The following PDE1C variants were observed in gnomAD, a reference collection of about 807,000 sequenced individuals.
PDE1C encodes the protein phosphodiesterase 1C, also known as dual specificity calcium/calmodulin-dependent 3',5'-cyclic nucleotide phosphodiesterase 1C.
In PDE1C, 62 loss-of-function variants were observed where a neutral mutation model predicts 93.1. The ratio of observed to expected loss-of-function variants is 0.67; its 90% confidence interval spans 0.54 to 0.82. The LOEUF (loss-of-function observed/expected upper bound fraction) is 0.82. Ranked by LOEUF, PDE1C falls within the 40% of genes least tolerant of loss-of-function variation. PDE1C has a pLI of 0.00. For synonymous variants in PDE1C, 325 were observed against 310.1 expected (o/e 1.05, Z -0.50); for missense variants, 742 against 884.6 (o/e 0.84, Z 2.04).
chr7:32,376,113 T>C (rs1784427909), intron 1 of PDE1C, among the ~76,000 whole-genome samples: 1 of 151,828 alleles, frequency 6.6e-6, no homozygotes, highest in African/African-American at 2.4e-5. Context: ...GCCAAGATCA[T>C]GCCACTGCAC....
At chr7:31,963,994 G>A (rs895479018) in intron 2 of PDE1C, among the ~76,000 whole-genome samples, 4 of 152,228 alleles carry the variant, frequency 2.6e-5, no homozygotes, top group African/African-American at 9.6e-5. Flanking sequence ...TGGCCAAATA[G>A]GAACAGCTGG....
chr7:31,786,006 G>T (rs1396946060), intron 16 of PDE1C: 1 of 152,232 alleles, frequency 6.6e-6, no homozygotes, highest in African/African-American at 2.4e-5. Context: ...ATTTGTTCAT[G>T]CATAAGATCC....
At chr7:32,133,546 A>T (rs1454046448) in intron 3 of PDE1C, among the ~76,000 whole-genome samples, 1 of 152,160 alleles carries the variant, frequency 6.6e-6, no homozygotes. Flanking sequence ...CCAGTGTATA[A>T]ATTTAGCCCA....
At chr7:31,625,289 T>G in the PDE1C span, among the ~76,000 whole-genome samples, 1 of 18,328 alleles carries the variant, frequency 5.5e-5, no homozygotes, top group Non-Finnish European at 1.2e-4. Flanking sequence ...ACCCAAAGGA[T>G]ATAAATCATG....
chr7:31,907,126 C>T (rs1448256300), intron 2 of PDE1C, among the ~76,000 whole-genome samples: 1 of 151,106 alleles, frequency 6.6e-6, no homozygotes, highest in Non-Finnish European at 1.5e-5. Flanking sequence ...GAACTAATTT[C>T]AGATGATGGG....
At chr7:32,026,954 C>T (rs1241988421) in intron 2 of PDE1C, among the ~76,000 whole-genome samples, 2 of 152,068 alleles carry the variant, frequency 1.3e-5, no homozygotes, top group African/African-American at 4.8e-5. Context: ...ATATGACATT[C>T]TGGAAAGTAT....
chr7:32,157,015 T>G (rs2128794914), intron 3 of PDE1C, among the ~76,000 whole-genome samples: 1 of 152,302 alleles, frequency 6.6e-6, no homozygotes, highest in South Asian at 2.1e-4. Flanking sequence ...TCAGTGTCAC[T>G]TATGTAGTAT....
chr7:32,011,629 G>A (rs551016761), intron 2 of PDE1C, among the ~76,000 whole-genome samples: 1 of 152,300 alleles, frequency 6.6e-6, no homozygotes, highest in South Asian at 2.1e-4. Context: ...GTCACAATGA[G>A]AAACTTTTCT....
intron 1 of PDE1C, among the ~76,000 whole-genome samples, chr7:32,067,287 A>G (rs144316886): frequency 0.011 from 1,675 of 152,302 alleles, 36 homozygotes; most frequent in African/African-American, 0.038. Flanking sequence ...GTGGAAGCGT[A>G]GGCACTGGGG....
At chr7:32,070,730 C>A, upstream of PDE1C, 1 of 1,125,400 alleles carries the variant, frequency 8.9e-7, no homozygotes, top group Non-Finnish European at 1.1e-6. Flanking sequence ...CGTATTCTCC[C>A]CCTACCCCCA....
At chr7:31,776,062 G>C (rs1211588340) in intron 16 of PDE1C, among the ~76,000 whole-genome samples, 2 of 152,186 alleles carry the variant, frequency 1.3e-5, no homozygotes, top group Non-Finnish European at 2.9e-5. Context: ...CAGTACAGGG[G>C]TGGAGGCCCA....
chr7:32,068,035 TTGA>T (rs1253677928), intron 1 of PDE1C, among the ~76,000 whole-genome samples: 1 of 152,116 alleles, frequency 6.6e-6, no homozygotes, highest in Non-Finnish European at 1.5e-5. Context: ...CAGGCGTGAG[TTGA>T]TGATCACATC....
Position 31,886,532 on chromosome 7 carries a change from T to G in PDE1C, c.129-5672A>C, listed in dbSNP as rs193275732. 2.5e-3 allele frequency among the ~76,000 whole-genome samples: 382 copies of G among 152,230 alleles called. 1 individual carries two copies. Among genetic ancestry groups the G allele is most frequent in the African/African-American group, 8.7e-3 (362 of 41,546 alleles). On this transcript the variant is annotated intron_variant, in intron 2 of 17. Transcript: ENST00000396191. ...GGGAAATGCAGTGCCTTCTCTCAGG[T>G]AGGGAAGACAGAAAGCTAACCAGCA...
chr7:32,013,295 T>C (rs1379965696), intron 2 of PDE1C, among the ~76,000 whole-genome samples: 1 of 152,176 alleles, frequency 6.6e-6, no homozygotes, highest in Non-Finnish European at 1.5e-5. Flanking sequence ...TAACACTCCT[T>C]ATGCACGTGT....
chr7:31,692,206 G>A, the PDE1C span, among the ~76,000 whole-genome samples: 37 of 152,296 alleles, frequency 2.4e-4, no homozygotes, highest in Admixed American at 7.2e-4. Context: ...GTCAGTGTGA[G>A]GGTGGGAGGG....
At chr7:31,800,574 A>T (rs1466863644) in intron 16 of PDE1C, among the ~76,000 whole-genome samples, 1 of 151,404 alleles carries the variant, frequency 6.6e-6, no homozygotes, top group East Asian at 1.9e-4. Flanking sequence ...GGAGTATCTA[A>T]GCTATTCTGT....
the PDE1C span, among the ~76,000 whole-genome samples, chr7:31,648,437 T>A: frequency 1.3e-5 from 2 of 152,212 alleles, no homozygotes; most frequent in Non-Finnish European, 2.9e-5. Context: ...ATCATTTCTA[T>A]ACTTATTCTA....
intron 3 of PDE1C, among the ~76,000 whole-genome samples, chr7:32,082,088 C>T (rs1201025936): frequency 2.6e-5 from 4 of 152,244 alleles, no homozygotes; most frequent in Non-Finnish European, 4.4e-5. Context: ...TGCAAGGGGT[C>T]AGGGAGTTCC....
intron 1 of PDE1C, among the ~76,000 whole-genome samples, chr7:32,416,116 G>A (rs1298236268): frequency 6.6e-6 from 1 of 152,224 alleles, no homozygotes; most frequent in African/African-American, 2.4e-5. Context: ...TAGAGCCTGG[G>A]AGTTGGTCAT....
Sources: gnomAD v4.1 joint callset for allele counts (sites outside exome capture counted in the v4.1 genomes callset) on GRCh38, gnomAD v4.1.1 for gene constraint, MANE v1.5 for transcripts, NCBI Gene and HGNC (gene_info 2026-07-23, HGNC 2026-07-21) for gene names.